SHF: variants seen among roughly 807,000 people sequenced by gnomAD.
The protein encoded by SHF is SH2 domain-containing adapter protein F.
Under a neutral mutation model 42.4 loss-of-function variants are expected in SHF, and 30 were observed. The ratio of observed to expected loss-of-function variants is 0.71; its 90% CI spans 0.53 to 0.96. The LOEUF (loss-of-function observed/expected upper bound fraction) is 0.96. Ranked by LOEUF, SHF falls within the 40% of genes least tolerant of loss-of-function variation. SHF has a pLI of 0.00. For missense variants in SHF, 598 were observed against 634.0 expected, an observed-to-expected ratio of 0.94 and a Z score of 0.61; for synonymous variants, 264 against 269.9, an observed-to-expected ratio of 0.98 and a Z score of 0.21.
chr15:45,188,628 T>C (rs1898598353), upstream of SHF, among the ~76,000 whole-genome samples: 1 of 152,180 alleles, frequency 6.6e-6, no homozygotes, highest in Non-Finnish European at 1.5e-5. Flanking sequence ...CACGCCCTTC[T>C]CACACGCAAA....
intron 2 of SHF, among the ~76,000 whole-genome samples, chr15:45,193,564 G>A (rs1331290900): frequency 6.6e-6 from 1 of 152,182 alleles, no homozygotes; most frequent in Non-Finnish European, 1.5e-5. Flanking sequence ...AATCAGATAT[G>A]CATTTGTCTC....
At position 45,175,430 on chromosome 15, in the gene SHF, C is replaced by T. The variant is rs777595404; in HGVS notation, c.641-5G>A. 1.3e-5 allele frequency: 20 copies of T among 1,571,112 alleles called. No individual in the cohort carries two copies. The highest frequency in any genetic ancestry group is 5.4e-5 in the African/African-American group (4 of 73,864). On this transcript the variant is annotated splice_polypyrimidine_tract_variant and splice_region_variant and intron_variant, in intron 2 of 6. Transcript: ENST00000690270. ...TCTCCTTGGAGCCCCGGATCTCTGC[C>T]GGAGCAGGGCAGGAAGGGAAAGGTG... is the stretch of plus-strand genomic sequence containing the variant.
chr15:45,199,010 C>T, exon 2 of SHF: 1 of 1,610,234 alleles, frequency 6.2e-7, no homozygotes, highest in Admixed American at 1.7e-5. Flanking sequence ...AGACCCTTGC[C>T]GCGAACCCTC....
chr15:45,173,788 C>A (rs1897651791), intron 3 of SHF, 72 bp from the exon 4 acceptor site: 2 of 1,497,494 alleles, frequency 1.3e-6, no homozygotes, highest in South Asian at 2.4e-5. Context: ...GGTTGAGACA[C>A]CAAAACCCAG....
chr15:45,186,739 A>T (rs552440685), intron 1 of SHF, among the ~76,000 whole-genome samples: 1 of 152,374 alleles, frequency 6.6e-6, no homozygotes, highest in Admixed American at 6.5e-5. Flanking sequence ...TGTGGGCAAC[A>T]GGTCCTGAGC....
chr15:45,198,772 G>C, exon 2 of SHF: 2 of 1,607,068 alleles, frequency 1.2e-6, no homozygotes, highest in Non-Finnish European at 1.7e-6. Flanking sequence ...GCCTACTTAC[G>C]GGGCGAGGTT....
Position 45,187,742 on chromosome 15 carries a change from C to T in SHF, c.210G>A (p.Ala70=), listed in dbSNP as rs2141424647. 1.0e-6 allele frequency: 1 copy of T among 970,738 alleles called. No individual in the cohort carries two copies. The highest frequency in any genetic ancestry group is 1.3e-6 in the Non-Finnish European group (1 of 755,346). 60.1% of individuals were successfully genotyped at this position (970,738 alleles called of 1,614,324 possible). A position where few individuals can be genotyped will look rare whatever the true frequency, so the allele number is the denominator to read the frequency against. Reference sequence around the variant, plus strand: ...GGGGGCGGTAGTCGGGCTCGGGGGGCGCCGGCTTGCTGCCCCCTCCGCCGC... The same window carrying T: ...GGGGGCGGTAGTCGGGCTCGGGGGGTGCCGGCTTGCTGCCCCCTCCGCCGC... ...GGGGGGGSKP[A]PPEPDYRPPA... The change falls in exon 1 of 7, where the codon GCG becomes GCA. Residue 70 remains alanine (A), a synonymous_variant. Coordinates refer to ENST00000690270, the MANE Select transcript of SHF (RefSeq NM_001394037.1).
Position 45,187,740 on chromosome 15 carries a change from G to A in SHF, c.212C>T (p.Pro71Leu). The change falls in exon 1 of 7, where the codon CCC becomes CTC. Residue 71 changes from proline to leucine, a missense_variant. Pro to Leu is a moderately conservative substitution (Grantham distance 98). Transcript: ENST00000690270. Reference protein sequence around the residue: ...GGGGGGSKPAPPEPDYRPPAP... With the variant: ...GGGGGGSKPALPEPDYRPPAP... Reference sequence around the variant, plus strand: ...AGGGGGGCGGTAGTCGGGCTCGGGGGGCGCCGGCTTGCTGCCCCCTCCGCC... The same window carrying A: ...AGGGGGGCGGTAGTCGGGCTCGGGGAGCGCCGGCTTGCTGCCCCCTCCGCC... The A allele has an allele frequency of 1.0e-6, 1 of 982,174 alleles. No homozygotes were observed. The highest frequency in any genetic ancestry group is 1.3e-6 in the Non-Finnish European group (1 of 765,152). 60.8% of individuals were successfully genotyped at this position (982,174 alleles called of 1,614,324 possible).
intron 1 of SHF, among the ~76,000 whole-genome samples, chr15:45,185,850 T>C (rs1007189115): frequency 1.3e-5 from 2 of 152,248 alleles, no homozygotes; most frequent in African/African-American, 2.4e-5. Flanking sequence ...ACAGTCACCA[T>C]TCAGGACATA....
At chr15:45,187,385 T>A (rs1898481714) in intron 1 of SHF, 69 bp downstream of exon 1, 3 of 1,224,432 alleles carry the variant, frequency 2.5e-6, no homozygotes, top group East Asian at 6.3e-5. Flanking sequence ...GCCACCTTTG[T>A]CCCTCTCGCA....
chr15:45,178,148 CT>C lies in SHF; in HGVS notation c.640+16del, dbSNP rs1897924177. The C allele has an allele frequency of 1.2e-6, 2 of 1,610,216 alleles. No individual in the cohort carries two copies. Among genetic ancestry groups the C allele is most frequent in the Admixed American group, 1.7e-5 (1 of 59,848 alleles). ...GCCCAGGCCTCAGGGAGCACCTCCC[CT>C]GCCCCTGTCACTCACCGGCCATCAT... On this transcript the variant is annotated intron_variant, in intron 2 of 6. Transcript: ENST00000690270.
chr15:45,172,810 A>G (rs1897578639), intron 4 of SHF, among the ~76,000 whole-genome samples: 1 of 152,110 alleles, frequency 6.6e-6, no homozygotes, highest in Non-Finnish European at 1.5e-5. Context: ...TCCCGCCCAA[A>G]GCCACCAGCC....
At chr15:45,182,597 G>C (rs1898187434) in intron 1 of SHF, among the ~76,000 whole-genome samples, 1 of 152,198 alleles carries the variant, frequency 6.6e-6, no homozygotes, top group African/African-American at 2.4e-5. Context: ...TGTTATCATA[G>C]ATTTTTCAAA....
rs190820786 is a variant in SHF, at chr15:45,167,590, G to C, written c.*357C>G. On this transcript the variant is annotated 3_prime_UTR_variant, in exon 7 of 7. Transcript: ENST00000690270. ...GGCCGAATTCTGCACTACCTCGCAC[G>C]GACCCAGTGGGGAGAGGGTGGTGGT... The C allele has an allele frequency of 1.1e-5, 2 of 178,198 alleles. No individual in the cohort carries two copies. Among genetic ancestry groups the C allele is most frequent in the Admixed American group, 1.3e-4 (2 of 15,938 alleles). 11.0% of individuals were successfully genotyped at this position (178,198 alleles called of 1,614,324 possible). A position where few individuals can be genotyped will look rare whatever the true frequency, so the allele number is the denominator to read the frequency against.
At chr15:45,179,719 C>T (rs1295681781) in intron 1 of SHF, among the ~76,000 whole-genome samples, 1 of 152,214 alleles carries the variant, frequency 6.6e-6, no homozygotes, top group African/African-American at 2.4e-5. Context: ...ACTGGGTTGA[C>T]AGGCGATGAC....
At chr15:45,170,444 T>A in intron 6 of SHF, 1 of 1,288,348 alleles carries the variant, frequency 7.8e-7, no homozygotes, top group South Asian at 1.2e-5. Flanking sequence ...TGGGAAATGC[T>A]TCTTTGATTT....
Position 45,187,438 on chromosome 15 carries a change from C to A in SHF, c.498+16G>T. On this transcript the variant is annotated intron_variant, in intron 1 of 6. Coordinates refer to ENST00000690270, the MANE Select transcript of SHF (RefSeq NM_001394037.1). The stretch of plus-strand genomic sequence containing the variant: ...CGCCTTCCCTCCTGGCCATCCCGGC[C>A]CGGCGCGGCACTCACCCTATCGCTG... 2 of 1,232,074 alleles carry A rather than the reference C, an allele frequency of 1.6e-6. No individual in the cohort carries two copies. The highest frequency in any genetic ancestry group is 2.0e-6 in the Non-Finnish European group (2 of 987,972). The allele number at this position is 1,232,074 out of a possible 1,614,324, so 76.3% of individuals were successfully genotyped here. A position where few individuals can be genotyped will look rare whatever the true frequency, so the allele number is the denominator to read the frequency against.
chr15:45,182,150 T>C (rs1221184878), intron 1 of SHF, among the ~76,000 whole-genome samples: 1 of 152,178 alleles, frequency 6.6e-6, no homozygotes, highest in Non-Finnish European at 1.5e-5. Flanking sequence ...CACTCTGCAA[T>C]TGGGCCATGC....
chr15:45,190,548 A>T (rs1898685386), upstream of SHF, among the ~76,000 whole-genome samples: 2 of 152,252 alleles, frequency 1.3e-5, no homozygotes, highest in South Asian at 4.1e-4. Context: ...TAAAATGCTT[A>T]CAGTGGAAGG....
Sources: allele counts gnomAD v4.1 joint callset (sites outside exome capture counted in the v4.1 genomes callset), GRCh38; gene constraint gnomAD v4.1.1; transcripts MANE v1.5; gene names NCBI Gene and HGNC (gene_info 2026-07-23, HGNC 2026-07-21).